Variants in UBASH3A observed in about 807,000 individuals in gnomAD.
UBASH3A encodes ubiquitin-associated and SH3 domain-containing protein A.
Under a neutral mutation model 73.5 loss-of-function variants are expected in UBASH3A, and 63 were observed. The observed-to-expected ratio is 0.86, with a 90% confidence interval of 0.70 to 1.06. The LOEUF is 1.06. Among genes scored for constraint, UBASH3A ranks in the 50% least tolerant of loss-of-function variants. The pLI is 0.00. For synonymous variants in UBASH3A, 363 were observed against 351.1 expected (o/e 1.03, Z -0.38); for missense variants, 860 against 859.0 (o/e 1.00, Z -0.02).
At position 42,418,570 on chromosome 21, in the gene UBASH3A, C is replaced by A; in HGVS notation, c.1007C>A (p.Thr336Lys). Residue 336 changes from threonine (T) to lysine (K), a missense_variant, in exon 7 of 15, where the codon ACG becomes AAG. By Grantham distance (78) the Thr-to-Lys change is moderately conservative. Transcript: ENST00000319294. The part of the protein sequence containing the change: ...GCRGFLPENY[T>K]DRASESDTWV... ...CGGGGCTTCCTGCCGGAAAACTACA[C>A]GGATCGAGCCAGTGAGTCTGACACG... 6.2e-7 allele frequency: 1 copy of A among 1,614,122 alleles called. No individual in the cohort carries two copies. The highest frequency in any genetic ancestry group is 8.5e-7 in the Non-Finnish European group (1 of 1,180,016).
intron 6 of UBASH3A, among the ~76,000 whole-genome samples, chr21:42,416,831 G>A (rs1046058847): frequency 1.3e-5 from 2 of 152,220 alleles, no homozygotes; most frequent in African/African-American, 4.8e-5. Flanking sequence ...TACTCAGGAG[G>A]CTGAGGCAGG....
At chr21:42,406,095 T>G in intron 1 of UBASH3A, among the ~76,000 whole-genome samples, 1 of 147,544 alleles carries the variant, frequency 6.8e-6, no homozygotes, top group African/African-American at 2.5e-5. Flanking sequence ...GGAAGGACAG[T>G]GAGGGGGAGG....
chr21:42,439,595 C>T (rs1000882382), intron 11 of UBASH3A, among the ~76,000 whole-genome samples: 1 of 152,082 alleles, frequency 6.6e-6, no homozygotes, highest in Non-Finnish European at 1.5e-5. Context: ...GCAAGCAAGG[C>T]TTCCACAATC....
At chr21:42,417,346 C>A (rs1048077494) in intron 6 of UBASH3A, among the ~76,000 whole-genome samples, 14 of 143,508 alleles carry the variant, frequency 9.8e-5, no homozygotes, top group Non-Finnish European at 3.0e-5. Context: ...ATCACTTGAA[C>A]CTGGGAGGTG....
At chr21:42,438,794 G>A (rs1244119427) in intron 11 of UBASH3A, among the ~76,000 whole-genome samples, 1 of 152,066 alleles carries the variant, frequency 6.6e-6, no homozygotes, top group Non-Finnish European at 1.5e-5. Flanking sequence ...TGGCGGGGCT[G>A]CAGTGGCTAG....
At chr21:42,442,823 G>A (rs1202222030) in intron 12 of UBASH3A, among the ~76,000 whole-genome samples, 1 of 152,154 alleles carries the variant, frequency 6.6e-6, no homozygotes, top group Non-Finnish European at 1.5e-5. Flanking sequence ...TTCCTGAGAA[G>A]GTGGGTCATT....
intron 8 of UBASH3A, among the ~76,000 whole-genome samples, chr21:42,427,143 G>A (rs78957938): frequency 0.017 from 2,622 of 152,218 alleles, 81 homozygotes; most frequent in African/African-American, 0.059. Flanking sequence ...CACCTGCCCC[G>A]GTGCCTTGGC....
rs779006157 is a variant in UBASH3A at position 42,403,987 on chromosome 21, C to A, written c.42C>A (p.Asn14Lys). Residue 14 changes from asparagine to lysine, a missense_variant, in exon 1 of 15, where the codon AAC (asparagine) becomes AAA (lysine). Asn to Lys is a moderately conservative substitution (Grantham distance 94). Coordinates refer to ENST00000319294, the MANE Select transcript of UBASH3A (RefSeq NM_018961.4). ...GETQLYAKVS[N>K]KLKSRSSPSL... ...CGCAGCTCTACGCCAAGGTCTCCAA[C>A]AAGCTCAAGAGCCGCAGCAGCCCCT... 7.4e-5 allele frequency: 113 copies of A among 1,527,444 alleles called. No homozygotes were observed. The highest frequency in any genetic ancestry group is 9.8e-5 in the Non-Finnish European group (111 of 1,133,506). The allele number at this position is 1,527,444 out of a possible 1,614,324, so 94.6% of individuals were successfully genotyped here. A position where few individuals can be genotyped will look rare whatever the true frequency, so the allele number is the denominator to read the frequency against.
At chr21:42,428,967 T>C (rs748720665) in intron 8 of UBASH3A, among the ~76,000 whole-genome samples, 1 of 152,202 alleles carries the variant, frequency 6.6e-6, no homozygotes, top group African/African-American at 2.4e-5. Context: ...AGAGAGTTTC[T>C]GCAGATGGGA....
chr21:42,418,944 A>G (rs2053279422), intron 7 of UBASH3A, among the ~76,000 whole-genome samples: 2 of 152,330 alleles, frequency 1.3e-5, no homozygotes, highest in African/African-American at 2.4e-5. Context: ...TGCTCCGTGT[A>G]TGAAATGTAA....
rs536175001 is a variant in UBASH3A at position 42,417,003 on chromosome 21, T to C, written c.837+392T>C. Among the ~76,000 whole-genome samples the C allele has an allele frequency of 2.2e-4, 33 of 152,224 alleles. 1 individual carries two copies. The South Asian group carries it at 6.6e-3, about 31-fold the overall frequency. On this transcript the variant is annotated intron_variant, in intron 6 of 14. Transcript: ENST00000319294. ...CCCCTGGAGCCCTCCAAGGGAGATA[T>C]GTTAGTAGCAAGGAAAATTTCTATT...
At chr21:42,428,863 T>G (rs1457527717) in intron 8 of UBASH3A, among the ~76,000 whole-genome samples, 2 of 152,042 alleles carry the variant, frequency 1.3e-5, no homozygotes, top group Non-Finnish European at 2.9e-5. Flanking sequence ...TTCCCTACAG[T>G]AAGAAAAGAC....
chr21:42,433,180 C>T (rs893479587), intron 9 of UBASH3A, among the ~76,000 whole-genome samples: 3 of 152,134 alleles, frequency 2.0e-5, no homozygotes, highest in Non-Finnish European at 4.4e-5. Context: ...ACTGGAAATC[C>T]CCATCTGAAA....
At position 42,413,149 on chromosome 21, in the gene UBASH3A, C is replaced by T. The variant is rs146176015; in HGVS notation, c.480C>T (p.Phe160=). The T allele has an allele frequency of 6.1e-5, 98 of 1,614,098 alleles. No homozygotes were observed. The highest frequency in any genetic ancestry group is 7.8e-5 in the Non-Finnish European group (92 of 1,180,044). Residue 160 remains phenylalanine, a synonymous_variant, in exon 4 of 15, where the codon TTC becomes TTT. Transcript: ENST00000319294. The surrounding 1 kb of genome is among the most constrained non-coding windows in gnomAD (Gnocchi z 4.5). ...LHSSISYLGF[F]VSGSPADVIR... is the part of the protein sequence containing the mutation. Reference sequence around the variant, plus strand: ...CCTCCATCAGCTACCTCGGCTTCTTCGTCAGTGGCAGCCCCGCAGACGTCA... The same window carrying T: ...CCTCCATCAGCTACCTCGGCTTCTTTGTCAGTGGCAGCCCCGCAGACGTCA...
chr21:42,435,891 A>G (rs970049570), intron 10 of UBASH3A, among the ~76,000 whole-genome samples: 9 of 151,908 alleles, frequency 5.9e-5, no homozygotes, highest in Non-Finnish European at 1.3e-4. Flanking sequence ...TTGTAGAGTT[A>G]TAGAGTTATA....
chr21:42,429,289 C>T (rs537949863), intron 8 of UBASH3A, among the ~76,000 whole-genome samples: 21 of 152,344 alleles, frequency 1.4e-4, no homozygotes, highest in Admixed American at 4.6e-4. Context: ...TCTTGCTTGG[C>T]ACCGCCCAGC....
At chr21:42,431,106 A>C (rs78869136) in intron 8 of UBASH3A, among the ~76,000 whole-genome samples, 1 of 152,120 alleles carries the variant, frequency 6.6e-6, no homozygotes, top group African/African-American at 2.4e-5. Flanking sequence ...CTCTGGTCCC[A>C]GGGGGGGCAT....
chr21:42,413,125 C>T lies in UBASH3A; in HGVS notation c.456C>T (p.Ser152=), dbSNP rs200089173. The T allele has an allele frequency of 2.5e-6, 4 of 1,614,242 alleles. No homozygotes were observed. Among genetic ancestry groups the T allele is most frequent in the Non-Finnish European group, 3.4e-6 (4 of 1,180,038 alleles). ...FPTAVPLALH[S]SISYLGFFVS... ...CGGCCGTGCCTCTGGCTCTCCACTCCTCCATCAGCTACCTCGGCTTCTTCG... is the reference window on the plus strand; with the variant it reads ...CGGCCGTGCCTCTGGCTCTCCACTCTTCCATCAGCTACCTCGGCTTCTTCG... Residue 152 remains serine, a synonymous_variant, in exon 4 of 15, where the codon TCC becomes TCT. Coordinates refer to ENST00000319294, the MANE Select transcript of UBASH3A (RefSeq NM_018961.4). The surrounding 1 kb of genome is among the most constrained non-coding windows in gnomAD (Gnocchi z 4.5).
chr21:42,433,469 G>A (rs2053572133), intron 9 of UBASH3A, among the ~76,000 whole-genome samples: 1 of 152,096 alleles, frequency 6.6e-6, no homozygotes, highest in Non-Finnish European at 1.5e-5. Flanking sequence ...GCTCCCATCA[G>A]GACCTGACCT....
Sources: allele counts gnomAD v4.1 joint callset (sites outside exome capture counted in the v4.1 genomes callset), GRCh38; gene constraint gnomAD v4.1.1; non-coding constraint Gnocchi (gnomAD v3.1); transcripts MANE v1.5; gene names NCBI Gene and HGNC (gene_info 2026-07-23, HGNC 2026-07-21).